The following IQCM variants were observed in gnomAD, a reference collection of about 807,000 sequenced individuals.
IQCM encodes IQ domain-containing protein M.
A neutral mutation model predicts 57.6 loss-of-function variants in IQCM; 45 were observed. The observed-to-expected ratio is 0.78, with a 90% CI of 0.62 to 1.00. The LOEUF is 1.00. Among genes scored for constraint, IQCM ranks in the 50% least tolerant of loss-of-function variants. The pLI, the probability that IQCM is intolerant of heterozygous loss-of-function variation, is 0.00. For synonymous variants in IQCM, 148 were observed against 158.9 expected (o/e 0.93, Z 0.51); for missense variants, 468 against 511.6 (o/e 0.91, Z 0.82).
At chr4:149,385,500 T>C (rs138197796) in intron 13 of IQCM, among the ~76,000 whole-genome samples, 6 of 152,216 alleles carry the variant, frequency 3.9e-5, no homozygotes, top group African/African-American at 1.4e-4. Flanking sequence ...ACTTTTGTAT[T>C]GGTGGATCAA....
intron 8 of IQCM, among the ~76,000 whole-genome samples, chr4:149,592,484 G>T (rs1753293915): frequency 6.6e-6 from 1 of 151,852 alleles, no homozygotes; most frequent in African/African-American, 2.4e-5. Context: ...TGTCAATTTT[G>T]GCTTTTGTTG....
intron 12 of IQCM, among the ~76,000 whole-genome samples, chr4:149,527,866 CT>C (rs1746316237): frequency 1.3e-5 from 2 of 152,246 alleles, no homozygotes; most frequent in South Asian, 4.1e-4. Flanking sequence ...AATAATGCCA[CT>C]TTCCTTTCCC....
chr4:149,353,488 A>G (rs1457325698), intron 13 of IQCM, among the ~76,000 whole-genome samples: 1 of 152,196 alleles, frequency 6.6e-6, no homozygotes, highest in African/African-American at 2.4e-5. Flanking sequence ...ACACGTGCAC[A>G]TTCACTGCAG....
chr4:149,796,621 G>A (rs1033888882), intron 2 of IQCM, among the ~76,000 whole-genome samples: 14 of 152,158 alleles, frequency 9.2e-5, no homozygotes, highest in Non-Finnish European at 4.4e-5. Flanking sequence ...GCAGCCTTTT[G>A]TTGGCTTCAG....
chr4:149,451,780 A>T (rs1229957423), intron 12 of IQCM, among the ~76,000 whole-genome samples: 1 of 151,770 alleles, frequency 6.6e-6, no homozygotes, highest in Non-Finnish European at 1.5e-5. Flanking sequence ...AATAGCCAAC[A>T]TCATATGTAA....
Position 149,681,099 on chromosome 4 carries a change from A to T in IQCM, c.565+1019T>A, listed in dbSNP as rs77417719. On this transcript the variant is annotated intron_variant, in intron 7 of 13. Coordinates refer to ENST00000636793, the MANE Select transcript of IQCM (RefSeq NM_001363507.2). ...TTCTAAATGTCACAGAATTAGTAGA[A>T]CTTTAACTGATGGTAAAGAGCTATA... Among the ~76,000 whole-genome samples the T allele has an allele frequency of 3.6e-3, 545 of 151,432 alleles. 1 individual carries two copies. Among genetic ancestry groups the T allele is most frequent in the African/African-American group, 0.012 (506 of 41,484 alleles).
In IQCM at chr4:149,425,077, T is replaced by C. The variant is rs75771803; in HGVS notation, c.1390+8319A>G. Among the ~76,000 whole-genome samples the C allele has an allele frequency of 4.0e-4, 61 of 152,088 alleles. No individual in the cohort carries two copies. In the East Asian group the frequency reaches 0.012, roughly 30 times the overall value. On this transcript the variant is annotated intron_variant, in intron 13 of 13. Transcript: ENST00000636793. ...GCCTCTTTAGGAAATAATATCTCTC[T>C]CTGTAAAATGAGCTTGATAATAGCT...
At chr4:149,471,844 C>A (rs1444589598) in intron 12 of IQCM, among the ~76,000 whole-genome samples, 4 of 152,132 alleles carry the variant, frequency 2.6e-5, no homozygotes, top group Non-Finnish European at 4.4e-5. Context: ...CGTAATCCAT[C>A]ATATAAACAG....
chr4:149,416,638 T>A (rs1733769220), intron 13 of IQCM, among the ~76,000 whole-genome samples: 1 of 151,940 alleles, frequency 6.6e-6, no homozygotes, highest in African/African-American at 2.4e-5. Context: ...TAAACATAGG[T>A]GGCCATAGTT....
intron 8 of IQCM, among the ~76,000 whole-genome samples, chr4:149,605,453 T>A (rs1754690724): frequency 6.6e-6 from 1 of 152,192 alleles, no homozygotes; most frequent in African/African-American, 2.4e-5. Context: ...AAGAGTGCTT[T>A]CTTTCAAAAC....
intron 13 of IQCM, among the ~76,000 whole-genome samples, chr4:149,361,999 G>T (rs1227038004): frequency 6.6e-6 from 1 of 152,106 alleles, no homozygotes; most frequent in African/African-American, 2.4e-5. Flanking sequence ...CAAGACCATG[G>T]GAACCCACCT....
chr4:149,519,595 C>CAG (rs1335756565), intron 12 of IQCM, among the ~76,000 whole-genome samples: 1 of 151,874 alleles, frequency 6.6e-6, no homozygotes, highest in Non-Finnish European at 1.5e-5. Flanking sequence ...GCAATGAGCC[C>CAG]AGATTGCGCC....
chr4:149,537,821 C>T (rs1360799448), intron 12 of IQCM, among the ~76,000 whole-genome samples: 5 of 151,646 alleles, frequency 3.3e-5, no homozygotes, highest in African/African-American at 1.2e-4. Flanking sequence ...ATTCAAAATG[C>T]TGACTGAAAA....
intron 2 of IQCM, among the ~76,000 whole-genome samples, chr4:149,775,719 C>T (rs1407801309): frequency 6.6e-6 from 1 of 152,018 alleles, no homozygotes; most frequent in Non-Finnish European, 1.5e-5. Context: ...GTTCCTTCCA[C>T]ACAACCTATT....
chr4:149,668,400 C>T lies in IQCM; in HGVS notation c.565+13718G>A, dbSNP rs143558888. Among the ~76,000 whole-genome samples, 1,485 of 152,262 alleles carry T rather than the reference C, an allele frequency of 9.8e-3. 30 individuals are homozygous for T. Among genetic ancestry groups the T allele is most frequent in the African/African-American group, 0.034 (1,412 of 41,566 alleles). ...GTTGAGAGATTTTGTCACCACCAGG[C>T]CTGCCTTACAAGAGCTCCTGAAGGA... On this transcript the variant is annotated intron_variant, in intron 7 of 13. Transcript: ENST00000636793.
At chr4:149,603,671 C>T (rs759978752) in intron 8 of IQCM, among the ~76,000 whole-genome samples, 1 of 151,552 alleles carries the variant, frequency 6.6e-6, no homozygotes, top group Non-Finnish European at 1.5e-5. Flanking sequence ...AACAAGAAAA[C>T]TCCCTGACAA....
chr4:149,597,326 A>G (rs915539564), intron 8 of IQCM, among the ~76,000 whole-genome samples: 1 of 152,146 alleles, frequency 6.6e-6, no homozygotes, highest in Non-Finnish European at 1.5e-5. Flanking sequence ...GACAATGACA[A>G]TTGAATGACT....
chr4:149,575,067 C>T (rs947498404), intron 9 of IQCM, among the ~76,000 whole-genome samples: 1 of 151,880 alleles, frequency 6.6e-6, no homozygotes, highest in South Asian at 2.1e-4. Context: ...TTATAATTTA[C>T]ACAATTTACT....
intron 2 of IQCM, among the ~76,000 whole-genome samples, chr4:149,785,296 T>A (rs372754562): frequency 6.6e-6 from 1 of 152,224 alleles, no homozygotes; most frequent in Non-Finnish European, 1.5e-5. Context: ...GGCAGCTGAC[T>A]TTATTAGGCA....
Sources: gnomAD v4.1 joint callset for allele counts (sites outside exome capture counted in the v4.1 genomes callset) on GRCh38, gnomAD v4.1.1 for gene constraint, MANE v1.5 for transcripts, NCBI Gene and HGNC (gene_info 2026-07-23, HGNC 2026-07-21) for gene names.